The following CALN1 variants were observed in gnomAD, a reference collection of about 807,000 sequenced individuals.
CALN1 encodes the protein calcium-binding protein 8.
Under a neutral mutation model 30.6 loss-of-function variants are expected in CALN1, and 17 were observed. The observed-to-expected ratio is 0.56, with a 90% CI of 0.38 to 0.83. The LOEUF (loss-of-function observed/expected upper bound fraction) is 0.83, where lower values mean the gene tolerates loss of function less well. Among genes scored for constraint, CALN1 ranks in the 40% least tolerant of loss-of-function variants. The pLI is 0.00. For synonymous variants in CALN1, 156 were observed against 131.4 expected, an observed-to-expected ratio of 1.19 and a Z score of -1.28; for missense variants, 291 against 354.9, an observed-to-expected ratio of 0.82 and a Z score of 1.45.
intron 5 of CALN1, among the ~76,000 whole-genome samples, chr7:71,896,935 C>T (rs962041928): frequency 3.9e-5 from 6 of 152,162 alleles, no homozygotes; most frequent in South Asian, 2.1e-4. Context: ...GAAAAAGAAA[C>T]GCGCTGTGGC....
intron 5 of CALN1, among the ~76,000 whole-genome samples, chr7:72,016,751 C>T (rs1003223149): frequency 6.6e-6 from 1 of 151,786 alleles, no homozygotes; most frequent in African/African-American, 2.4e-5. Flanking sequence ...ACCACCTGCC[C>T]ATCTCTGCCA....
At chr7:72,371,403 T>C (rs757414471) in intron 2 of CALN1, among the ~76,000 whole-genome samples, 2 of 152,210 alleles carry the variant, frequency 1.3e-5, no homozygotes, top group Non-Finnish European at 2.9e-5. Context: ...AATTAAATCA[T>C]GGGAGCACTT....
chr7:72,390,083 G>C (rs954936030), intron 2 of CALN1, among the ~76,000 whole-genome samples: 1 of 152,048 alleles, frequency 6.6e-6, no homozygotes, highest in South Asian at 2.1e-4. Context: ...CTAAGGAGGG[G>C]TAGGACCTTT....
chr7:72,455,413 T>TTA, the CALN1 span, among the ~76,000 whole-genome samples: 5 of 151,112 alleles, frequency 3.3e-5, no homozygotes, highest in Non-Finnish European at 5.9e-5. Context: ...TGCACATATA[T>TTA]TATATATATA....
intron 3 of CALN1, among the ~76,000 whole-genome samples, chr7:72,181,105 C>T (rs866652371): frequency 1.2e-4 from 11 of 89,900 alleles, no homozygotes; most frequent in African/African-American, 4.9e-4. Flanking sequence ...AACCCCCCCC[C>T]CCCCCAAAAA....
At chr7:72,389,854 G>A (rs1805465082) in intron 2 of CALN1, among the ~76,000 whole-genome samples, 1 of 151,762 alleles carries the variant, frequency 6.6e-6, no homozygotes, top group South Asian at 2.1e-4. Flanking sequence ...GGGAGGCGGA[G>A]GTTGCAGTGA....
At chr7:72,488,587 C>A in the CALN1 span, among the ~76,000 whole-genome samples, 6 of 151,908 alleles carry the variant, frequency 3.9e-5, no homozygotes, top group African/African-American at 1.5e-4. Context: ...GGGCTCTCTG[C>A]TAAACTATAT....
intron 2 of CALN1, among the ~76,000 whole-genome samples, chr7:72,393,960 G>C (rs1333419932): frequency 6.6e-6 from 1 of 152,142 alleles, no homozygotes; most frequent in Non-Finnish European, 1.5e-5. Context: ...TAATCATCAA[G>C]TTGTGGCATG....
intron 3 of CALN1, among the ~76,000 whole-genome samples, chr7:72,147,155 A>C (rs1446040241): frequency 2.0e-5 from 3 of 152,248 alleles, no homozygotes; most frequent in African/African-American, 7.2e-5. Context: ...GCACAGCAAA[A>C]GAAACTACCA....
the CALN1 span, among the ~76,000 whole-genome samples, chr7:72,465,174 C>A: frequency 6.6e-6 from 1 of 152,210 alleles, no homozygotes; most frequent in African/African-American, 2.4e-5. Flanking sequence ...CAGGTGGACA[C>A]ACTCCTGGAT....
intron 3 of CALN1, among the ~76,000 whole-genome samples, chr7:72,163,115 A>C (rs1386104316): frequency 6.6e-6 from 1 of 152,172 alleles, no homozygotes; most frequent in Non-Finnish European, 1.5e-5. Context: ...CAAATTACAG[A>C]GATTGGCAAA....
At position 72,030,515 on chromosome 7, in the gene CALN1, A is replaced by G. The variant is rs564715462; in HGVS notation, c.389-6746T>C. 2.0e-5 allele frequency among the ~76,000 whole-genome samples: 3 copies of G among 152,260 alleles called. No homozygotes were observed. The East Asian group carries it at 5.8e-4, about 29-fold the overall frequency. On this transcript the variant is annotated intron_variant, in intron 4 of 6. Transcript: ENST00000395275. Reference sequence around the variant, plus strand: ...CAAACAGGGCTGGGAATACCCCCCAAAAGTTATCAGCATTGTACCCAGAGG... The same window carrying G: ...CAAACAGGGCTGGGAATACCCCCCAGAAGTTATCAGCATTGTACCCAGAGG...
At chr7:72,237,226 C>T (rs57980488) in intron 3 of CALN1, among the ~76,000 whole-genome samples, 52,768 of 151,904 alleles carry the variant, frequency 0.35, 10,315 homozygotes, top group Middle Eastern at 0.53. Flanking sequence ...TCAGGTGATC[C>T]GCCCGGCTCA....
chr7:72,113,194 A>C (rs1419397397), intron 3 of CALN1, among the ~76,000 whole-genome samples: 1 of 152,138 alleles, frequency 6.6e-6, no homozygotes, highest in Non-Finnish European at 1.5e-5. Flanking sequence ...TCCTGCATGA[A>C]CAGATCAATA....
At chr7:71,930,223 G>T (rs895599546) in intron 5 of CALN1, among the ~76,000 whole-genome samples, 4 of 152,192 alleles carry the variant, frequency 2.6e-5, no homozygotes, top group African/African-American at 9.7e-5. Context: ...GATACAGAGT[G>T]CCAACTGTAC....
At chr7:72,205,551 A>C (rs192211605) in intron 3 of CALN1, among the ~76,000 whole-genome samples, 2 of 83,052 alleles carry the variant, frequency 2.4e-5, no homozygotes, top group African/African-American at 1.5e-4. Context: ...GCAAAAAAAA[A>C]ATATATATAT....
Position 72,445,057 on chromosome 7 carries a change from A to AACACAC in CALN1, c.-226+1979_-226+1984dup, listed in dbSNP as rs4029789. On this transcript the variant is annotated intron_variant, in intron 1 of 6. Transcript: ENST00000395276. ...AAAGCCAGCAGCCATCAGTGAATTA[A>AACACAC]ACACACACACACACACACACACACA... 6.4e-3 allele frequency among the ~76,000 whole-genome samples: 883 copies of AACACAC among 138,910 alleles called. 6 individuals carry two copies. The highest frequency in any genetic ancestry group is 0.035 in the East Asian group (163 of 4,694). 91.1% of individuals were successfully genotyped at this position (138,910 alleles called of 152,430 possible).
intron 3 of CALN1, among the ~76,000 whole-genome samples, chr7:72,193,734 T>A (rs1331275037): frequency 1.3e-5 from 2 of 152,202 alleles, no homozygotes; most frequent in African/African-American, 4.8e-5. Flanking sequence ...AAAAATATTC[T>A]ATCAGTCAAT....
chr7:72,048,642 A>G (rs886400083), intron 4 of CALN1, among the ~76,000 whole-genome samples: 5 of 151,206 alleles, frequency 3.3e-5, no homozygotes, highest in African/African-American at 1.2e-4. Context: ...TGAAAAATAT[A>G]ATTTCCTTCC....
Sources: gnomAD v4.1 joint callset for allele counts (sites outside exome capture counted in the v4.1 genomes callset) on GRCh38, gnomAD v4.1.1 for gene constraint, MANE v1.5 for transcripts, NCBI Gene and HGNC (gene_info 2026-07-23, HGNC 2026-07-21) for gene names.